DLGAP1: variants seen among roughly 807,000 people sequenced by gnomAD.
The protein encoded by DLGAP1 is disks large-associated protein 1.
In DLGAP1, 11 loss-of-function variants were observed where a neutral mutation model predicts 90.8. That is an observed-to-expected ratio of 0.12 (90% CI 0.08 to 0.20). The LOEUF (loss-of-function observed/expected upper bound fraction) is 0.20, where lower values mean the gene tolerates loss of function less well. Ranked by LOEUF, DLGAP1 falls within the 10% of genes least tolerant of loss-of-function variation. The pLI, the probability that DLGAP1 is intolerant of heterozygous loss-of-function variation, is 1.00. For missense variants in DLGAP1, 1,050 were observed against 1,333.8 expected (o/e 0.79, Z 3.31); for synonymous variants, 558 against 540.7 (o/e 1.03, Z -0.44).
At chr18:3,736,423 A>T (rs1243750781) in intron 6 of DLGAP1, among the ~76,000 whole-genome samples, 1 of 152,168 alleles carries the variant, frequency 6.6e-6, no homozygotes, top group Non-Finnish European at 1.5e-5. Context: ...GTAATAAATG[A>T]CAGAAGCAAT....
chr18:4,005,755 G>C (rs1311028073), intron 2 of DLGAP1, among the ~76,000 whole-genome samples: 2 of 152,188 alleles, frequency 1.3e-5, no homozygotes, highest in East Asian at 3.9e-4. Context: ...GTGCTCCATA[G>C]TCTCAGGGAG....
At chr18:4,099,237 G>GATCTATCT (rs60757948) in intron 2 of DLGAP1, among the ~76,000 whole-genome samples, 139 of 139,586 alleles carry the variant, frequency 1.0e-3, no homozygotes, top group African/African-American at 1.9e-3. Context: ...CTTGAAAATA[G>GATCTATCT]ATCTGTCTGT....
intron 1 of DLGAP1, among the ~76,000 whole-genome samples, chr18:4,161,768 A>G (rs1314846004): frequency 6.6e-6 from 1 of 152,230 alleles, no homozygotes; most frequent in Non-Finnish European, 1.5e-5. Flanking sequence ...GCCACTTGGA[A>G]AATGCATGCT....
In DLGAP1 at chr18:3,539,832, G is replaced by A. The variant is rs1157701610; in HGVS notation, c.2058-5217C>T. Among the ~76,000 whole-genome samples the A allele has an allele frequency of 3.3e-5, 5 of 152,180 alleles. No individual in the cohort carries two copies. The East Asian group carries it at 9.6e-4, about 29-fold the overall frequency. ...TCATGAACTTATTTTTAGGAGAGTA[G>A]CTTAGTCTTTCCATCATAGAATCCC... On this transcript the variant is annotated intron_variant, in intron 9 of 12. Transcript: ENST00000315677.
chr18:3,535,952 T>C (rs1483462168), intron 9 of DLGAP1, among the ~76,000 whole-genome samples: 4 of 151,876 alleles, frequency 2.6e-5, no homozygotes, highest in Non-Finnish European at 4.4e-5. Context: ...GGAGAATCGC[T>C]TGAATCCAGG....
At chr18:4,388,589 G>A (rs900515946) in intron 1 of DLGAP1, among the ~76,000 whole-genome samples, 3 of 152,078 alleles carry the variant, frequency 2.0e-5, no homozygotes, top group African/African-American at 7.3e-5. Flanking sequence ...GAAAAATAAG[G>A]AGTCATGTTG....
At chr18:3,789,831 T>C (rs1053359638) in intron 5 of DLGAP1, among the ~76,000 whole-genome samples, 1 of 152,106 alleles carries the variant, frequency 6.6e-6, no homozygotes, top group Non-Finnish European at 1.5e-5. Context: ...GTAACAGATA[T>C]GAAACAACAA....
At chr18:4,414,716 A>G (rs1341486534) in intron 1 of DLGAP1, among the ~76,000 whole-genome samples, 1 of 72,562 alleles carries the variant, frequency 1.4e-5, no homozygotes, top group African/African-American at 3.2e-5. Flanking sequence ...ACAGAGCAAG[A>G]CTCTGTCAAA....
chr18:4,170,332 A>C (rs2144579420), intron 1 of DLGAP1, among the ~76,000 whole-genome samples: 1 of 152,282 alleles, frequency 6.6e-6, no homozygotes, highest in Non-Finnish European at 1.5e-5. Context: ...TTCCAGTGGT[A>C]GGTAAGCTCA....
intron 1 of DLGAP1, among the ~76,000 whole-genome samples, chr18:4,348,377 G>C (rs2143942943): frequency 7.0e-6 from 1 of 142,300 alleles, no homozygotes; most frequent in East Asian, 2.1e-4. Flanking sequence ...ACTGGAATCA[G>C]GTGCCTCAGG....
At chr18:3,869,952 G>T (rs910740425) in intron 4 of DLGAP1, among the ~76,000 whole-genome samples, 4 of 152,160 alleles carry the variant, frequency 2.6e-5, no homozygotes, top group Admixed American at 2.6e-4. Flanking sequence ...TTTTACAGAT[G>T]TAGAAATAGA....
intron 1 of DLGAP1, among the ~76,000 whole-genome samples, chr18:4,423,474 A>G (rs2083085918): frequency 6.6e-6 from 1 of 152,212 alleles, no homozygotes; most frequent in Non-Finnish European, 1.5e-5. Context: ...TAGTTTTCCT[A>G]AATGGTTGTT....
intron 4 of DLGAP1, among the ~76,000 whole-genome samples, chr18:3,828,359 G>A (rs1468427731): frequency 6.6e-6 from 1 of 152,206 alleles, no homozygotes; most frequent in East Asian, 1.9e-4. Context: ...AACAAGACAG[G>A]CCAGGCACAG....
intron 6 of DLGAP1, among the ~76,000 whole-genome samples, chr18:3,734,172 T>C (rs2062552311): frequency 6.6e-6 from 1 of 152,170 alleles, no homozygotes; most frequent in Admixed American, 6.5e-5. Flanking sequence ...CTATTATCTG[T>C]ATGTCTAATC....
chr18:4,250,757 G>T (rs1024171186), intron 1 of DLGAP1, among the ~76,000 whole-genome samples: 2 of 152,092 alleles, frequency 1.3e-5, no homozygotes, highest in Admixed American at 6.5e-5. Context: ...ACTCTAGTGT[G>T]TGGAAGTGAA....
At chr18:4,349,886 T>A (rs993718551) in intron 1 of DLGAP1, among the ~76,000 whole-genome samples, 1 of 152,176 alleles carries the variant, frequency 6.6e-6, no homozygotes, top group Non-Finnish European at 1.5e-5. Flanking sequence ...CTCACCAAGC[T>A]GTACACTTAA....
intron 6 of DLGAP1, among the ~76,000 whole-genome samples, chr18:3,736,510 G>T (rs1298104780): frequency 6.6e-6 from 1 of 152,066 alleles, no homozygotes; most frequent in East Asian, 1.9e-4. Flanking sequence ...AGGTTTTAAA[G>T]GGAAATAAGA....
chr18:4,263,495 A>C (rs1426383894), intron 1 of DLGAP1, among the ~76,000 whole-genome samples: 1 of 152,188 alleles, frequency 6.6e-6, no homozygotes, highest in Non-Finnish European at 1.5e-5. Context: ...TAAGAAATAC[A>C]AAAAGACTTT....
At chr18:4,125,407 C>G (rs2076217716) in intron 2 of DLGAP1, among the ~76,000 whole-genome samples, 1 of 152,258 alleles carries the variant, frequency 6.6e-6, no homozygotes, top group South Asian at 2.1e-4. Context: ...ATTCACCAGA[C>G]AAAGGAGAGA....
Sources: gnomAD v4.1 joint callset for allele counts (sites outside exome capture counted in the v4.1 genomes callset) on GRCh38, gnomAD v4.1.1 for gene constraint, MANE v1.5 for transcripts, NCBI Gene and HGNC (gene_info 2026-07-23, HGNC 2026-07-21) for gene names.